The following SRBD1 variants were observed in gnomAD, a reference collection of about 807,000 sequenced individuals.
The protein encoded by SRBD1 is S1 RNA binding domain 1.
A neutral mutation model predicts 115.3 loss-of-function variants in SRBD1; 88 were observed. The observed-to-expected ratio is 0.76, with a 90% CI of 0.64 to 0.91. SRBD1 has a LOEUF of 0.91. Ranked by LOEUF, SRBD1 falls within the 40% of genes least tolerant of loss-of-function variation. The probability of loss-of-function intolerance (pLI) is 0.00; values close to 1 mark genes in which losing one functional copy is unlikely to be tolerated. For synonymous variants in SRBD1, 509 were observed against 407.7 expected, an observed-to-expected ratio of 1.25 and a Z score of -2.99; for missense variants, 1,385 against 1,177.4, an observed-to-expected ratio of 1.18 and a Z score of -2.58.
chr2:45,476,961 T>C (rs779046063), intron 16 of SRBD1, 32 bp downstream of exon 16: 2 of 1,598,334 alleles, frequency 1.3e-6, no homozygotes, highest in Admixed American at 1.7e-5. Flanking sequence ...TATTGATGGA[T>C]TTCATAAATT....
At chr2:45,468,067 C>T (rs1205131445) in intron 16 of SRBD1, among the ~76,000 whole-genome samples, 1 of 151,850 alleles carries the variant, frequency 6.6e-6, no homozygotes, top group African/African-American at 2.4e-5. Flanking sequence ...TTCTCTCGTT[C>T]CATGCCCCAT....
In SRBD1 at chr2:45,562,806, C is replaced by A. The variant is rs767019035; in HGVS notation, c.1306-50G>T. ...CTAATAATCCACAAAATATATGAAA[C>A]AAATCAGGCGACTATGTAGCTGACA... On this transcript the variant is annotated intron_variant, in intron 9 of 20. Coordinates refer to ENST00000263736, the MANE Select transcript of SRBD1 (RefSeq NM_018079.5). 4.0e-6 allele frequency: 5 copies of A among 1,264,218 alleles called. No individual in the cohort carries two copies. In the African/African-American group the frequency reaches 4.5e-5, roughly 11 times the overall value. The allele number at this position is 1,264,218 out of a possible 1,614,324, so 78.3% of individuals were successfully genotyped here. A position where few individuals can be genotyped will look rare whatever the true frequency, so the allele number is the denominator to read the frequency against.
intron 16 of SRBD1, among the ~76,000 whole-genome samples, chr2:45,432,659 G>T (rs1668376137): frequency 6.6e-6 from 1 of 152,122 alleles, no homozygotes; most frequent in Non-Finnish European, 1.5e-5. Flanking sequence ...AATCCCTAAG[G>T]ACTTCATGCC....
At chr2:45,420,901 A>C (rs1008692853) in intron 16 of SRBD1, among the ~76,000 whole-genome samples, 2 of 152,190 alleles carry the variant, frequency 1.3e-5, no homozygotes, top group Admixed American at 6.5e-5. Flanking sequence ...TCTAGGGTAC[A>C]TGTGCACAAC....
chr2:45,474,356 T>C (rs971798448), intron 16 of SRBD1, among the ~76,000 whole-genome samples: 19 of 152,246 alleles, frequency 1.2e-4, no homozygotes, highest in African/African-American at 4.3e-4. Flanking sequence ...CTGTTTCTGT[T>C]TACTATTCCC....
rs201226387 is a variant in SRBD1 at position 45,546,818 on chromosome 2, T to C, written c.1788A>G (p.Gly596=). 1.5e-4 allele frequency: 241 copies of C among 1,614,148 alleles called. No individual in the cohort carries two copies. In the South Asian group the frequency reaches 2.5e-3, roughly 17 times the overall value. The change falls in exon 14 of 21, where the codon GGA becomes GGG. Residue 596 remains glycine (G), a synonymous_variant. Transcript: ENST00000263736. The stretch of plus-strand genomic sequence containing the variant: ...CTGTTTCCCTGCAGGCAGTTCCATT[T>C]CCAATCACTACTGTGCTGCAGCTTC... ...LNFNCSTVVI[G]NGTACRETEA...
intron 20 of SRBD1, among the ~76,000 whole-genome samples, chr2:45,390,026 G>A (rs1666955007): frequency 6.6e-6 from 1 of 152,008 alleles, no homozygotes; most frequent in Admixed American, 6.6e-5. Context: ...TTATTAAATT[G>A]TTTAAAGATG....
At chr2:45,427,924 A>C (rs900521066) in intron 16 of SRBD1, among the ~76,000 whole-genome samples, 6 of 152,212 alleles carry the variant, frequency 3.9e-5, no homozygotes, top group African/African-American at 1.4e-4. Context: ...CCCCACTGTC[A>C]ATATCAGACA....
intron 15 of SRBD1, among the ~76,000 whole-genome samples, chr2:45,485,596 T>A (rs771489781): frequency 5.3e-5 from 8 of 152,176 alleles, no homozygotes; most frequent in Non-Finnish European, 1.2e-4. Flanking sequence ...TATAAGCATA[T>A]ATATAGAAGA....
At chr2:45,561,358 T>C (rs1025803776) in intron 10 of SRBD1, among the ~76,000 whole-genome samples, 5 of 152,252 alleles carry the variant, frequency 3.3e-5, no homozygotes, top group African/African-American at 9.6e-5. Context: ...ATTTAGACTG[T>C]TGTTTTACTT....
chr2:45,493,734 C>T (rs908289872), intron 14 of SRBD1, among the ~76,000 whole-genome samples: 1 of 151,322 alleles, frequency 6.6e-6, no homozygotes, highest in Non-Finnish European at 1.5e-5. Flanking sequence ...TCGTTTGAAT[C>T]TGGAAGGTGA....
In SRBD1 at chr2:45,486,755, AAAAT is replaced by A. The variant is rs942040213; in HGVS notation, c.1966+1481_1966+1484del. Among the ~76,000 whole-genome samples, 37 of 150,952 alleles carry A rather than the reference AAAAT, an allele frequency of 2.5e-4. No individual in the cohort carries two copies. The South Asian group carries it at 4.4e-3, about 18-fold the overall frequency. On this transcript the variant is annotated intron_variant, in intron 15 of 20. Transcript: ENST00000263736. ...CAAAAAAAATAAAATAAAATAAAAT[AAAAT>A]AAATAAATAAATAAATTTTAAAAAG...
intron 15 of SRBD1, 39 bp downstream of exon 15, chr2:45,488,201 C>A (rs1670178254): frequency 6.4e-7 from 1 of 1,571,804 alleles, no homozygotes; most frequent in Non-Finnish European, 8.7e-7. Context: ...CCCAAAATAT[C>A]AAAATCACAT....
chr2:45,478,320 G>A (rs554066524), intron 15 of SRBD1, among the ~76,000 whole-genome samples: 24 of 152,230 alleles, frequency 1.6e-4, no homozygotes, highest in East Asian at 1.2e-3. Context: ...TTCTCCAGTC[G>A]CTGATTTGTA....
At chr2:45,517,127 G>C (rs1340102098) in intron 14 of SRBD1, among the ~76,000 whole-genome samples, 1 of 152,098 alleles carries the variant, frequency 6.6e-6, no homozygotes, top group East Asian at 1.9e-4. Flanking sequence ...ACAGTAATGA[G>C]GGTATCTAAA....
intron 9 of SRBD1, among the ~76,000 whole-genome samples, chr2:45,566,234 T>A (rs1437393155): frequency 1.3e-5 from 2 of 152,140 alleles, no homozygotes; most frequent in Non-Finnish European, 2.9e-5. Context: ...AATAAAAACA[T>A]ATGTCCACAC....
intron 19 of SRBD1, among the ~76,000 whole-genome samples, chr2:45,400,221 A>G (rs1266647591): frequency 1.3e-5 from 2 of 152,194 alleles, no homozygotes; most frequent in Non-Finnish European, 2.9e-5. Flanking sequence ...GAATCAGAAG[A>G]CAAGCTAAGA....
At position 45,418,691 on chromosome 2, in the gene SRBD1, A is replaced by C. The variant is rs1286922760; in HGVS notation, c.2157-150T>G. On this transcript the variant is annotated intron_variant, in intron 17 of 20. Transcript: ENST00000263736. The stretch of plus-strand genomic sequence containing the variant: ...AAAGGGAGTTTAAAAAAAAAAACAA[A>C]AAAAAAACGGAGAAAAAAAGAGTTG... The C allele has an allele frequency of 4.9e-6, 4 of 821,476 alleles. No homozygotes were observed. The East Asian group carries it at 1.1e-4, about 23-fold the overall frequency. 50.9% of individuals were successfully genotyped at this position (821,476 alleles called of 1,614,324 possible). A position where few individuals can be genotyped will look rare whatever the true frequency, so the allele number is the denominator to read the frequency against.
chr2:45,600,714 C>A (rs55827105), intron 3 of SRBD1, among the ~76,000 whole-genome samples: 1 of 152,132 alleles, frequency 6.6e-6, no homozygotes, highest in Non-Finnish European at 1.5e-5. Flanking sequence ...GCACCCATCT[C>A]GGCACTGGGT....
Sources: allele counts gnomAD v4.1 joint callset (sites outside exome capture counted in the v4.1 genomes callset), GRCh38; gene constraint gnomAD v4.1.1; transcripts MANE v1.5; gene names NCBI Gene and HGNC (gene_info 2026-07-23, HGNC 2026-07-21).